TTC7B: variants seen among roughly 807,000 people sequenced by gnomAD.
TTC7B encodes the protein tetratricopeptide repeat protein 7B.
Under a neutral mutation model 106.8 loss-of-function variants are expected in TTC7B, and 28 were observed. That is an observed-to-expected ratio of 0.26 (90% CI 0.19 to 0.36). The LOEUF is 0.36. Among genes scored for constraint, TTC7B ranks in the 10% least tolerant of loss-of-function variants. The pLI is 1.00. For synonymous variants in TTC7B, 405 were observed against 430.6 expected (o/e 0.94, Z 0.74); for missense variants, 862 against 1,076.4 (o/e 0.80, Z 2.79).
At chr14:90,593,419 C>A (rs771506284) in intron 18 of TTC7B, 67 bp downstream of exon 18, 5 of 1,488,274 alleles carry the variant, frequency 3.4e-6, no homozygotes, top group Non-Finnish European at 4.5e-6. Context: ...GGCACAGCAG[C>A]GGGTTGTGGG....
chr14:90,615,271 C>G (rs2139845776), intron 16 of TTC7B, among the ~76,000 whole-genome samples: 1 of 152,322 alleles, frequency 6.6e-6, no homozygotes, highest in South Asian at 2.1e-4. Flanking sequence ...CACTCACTCC[C>G]TGCTACTGCC....
At chr14:90,649,133 T>C (rs765860670) in intron 13 of TTC7B, among the ~76,000 whole-genome samples, 2 of 152,264 alleles carry the variant, frequency 1.3e-5, no homozygotes, top group Non-Finnish European at 2.9e-5. Context: ...TTGGTATTTC[T>C]GGAGTGCATT....
In TTC7B at chr14:90,657,637, T is replaced by C. The variant is rs577322980; in HGVS notation, c.1237-359A>G. On this transcript the variant is annotated intron_variant, in intron 10 of 19. Transcript: ENST00000328459. The surrounding 1 kb of genome is among the most constrained non-coding windows in gnomAD (Gnocchi z 4.2). The stretch of plus-strand genomic sequence containing the variant: ...TACTGAATTTCTGAATTCACTTAGC[T>C]CAAATAATCTTCCATCTCAGGCTTC... Among the ~76,000 whole-genome samples the C allele has an allele frequency of 7.6e-4, 116 of 152,308 alleles. No homozygotes were observed. The highest frequency in any genetic ancestry group is 2.7e-3 in the African/African-American group (111 of 41,556).
chr14:90,717,367 C>T (rs1888699742), intron 5 of TTC7B, among the ~76,000 whole-genome samples: 1 of 151,614 alleles, frequency 6.6e-6, no homozygotes, highest in Non-Finnish European at 1.5e-5. Flanking sequence ...AAGAAATAAT[C>T]CGTGACTTTT....
intron 1 of TTC7B, 86 bp from the exon 2 acceptor site, chr14:90,786,414 C>T: frequency 2.6e-6 from 4 of 1,532,530 alleles, no homozygotes; most frequent in Non-Finnish European, 3.5e-6. Context: ...AGAACCACCA[C>T]CCTCCGAGGC....
chr14:90,603,945 A>C (rs1892534897), intron 17 of TTC7B, among the ~76,000 whole-genome samples: 1 of 152,356 alleles, frequency 6.6e-6, no homozygotes, highest in South Asian at 2.1e-4. Context: ...AGATGACTTC[A>C]GCTTATTAAG....
In TTC7B at chr14:90,617,984, T is replaced by A. The variant is rs1442603971; in HGVS notation, c.1813A>T (p.Thr605Ser). The change falls in exon 16 of 20, where the codon ACT becomes TCT. Residue 605 changes from threonine (T) to serine (S), a missense_variant. By Grantham distance (58) the Thr-to-Ser change is moderately conservative. Coordinates refer to ENST00000328459, the MANE Select transcript of TTC7B (RefSeq NM_001010854.2). ...LCRGPDEALLTCKHMLQIWKS... is the reference protein window; with the variant it reads ...LCRGPDEALLSCKHMLQIWKS... ...CATATCTGCAGCATGTGCTTACAAG[T>A]CAGCAGTGCCTCGTCCGGGCCTCGG... 6.2e-7 allele frequency: 1 copy of A among 1,613,960 alleles called. No individual in the cohort carries two copies. Among genetic ancestry groups the A allele is most frequent in the Non-Finnish European group, 8.5e-7 (1 of 1,179,880 alleles).
intron 4 of TTC7B, among the ~76,000 whole-genome samples, chr14:90,739,546 AG>A (rs1263263229): frequency 6.6e-6 from 1 of 152,248 alleles, no homozygotes; most frequent in African/African-American, 2.4e-5. Flanking sequence ...AGGCATGGCC[AG>A]GCTGCCAGTG....
rs1357354278 is a variant in TTC7B at position 90,695,569 on chromosome 14, T to C, written c.708A>G (p.Thr236=). Reference sequence around the variant, plus strand: ...GCTCTCTAAATCTTCCGACTCCTCTTGTCAAGTTCCTGTGTGGACACAGAA... The same window carrying C: ...GCTCTCTAAATCTTCCGACTCCTCTCGTCAAGTTCCTGTGTGGACACAGAA... ...HVLYFKNGNL[T]RGVGRFRELL... The change falls in exon 6 of 20, where the codon ACA becomes ACG. Residue 236 remains threonine (T), a synonymous_variant. Coordinates refer to ENST00000328459, the MANE Select transcript of TTC7B (RefSeq NM_001010854.2). The C allele has an allele frequency of 1.3e-6, 2 of 1,598,512 alleles. No individual in the cohort carries two copies. Among genetic ancestry groups the C allele is most frequent in the Non-Finnish European group, 1.7e-6 (2 of 1,173,448 alleles).
At chr14:90,682,028 C>T (rs1307841523) in intron 7 of TTC7B, among the ~76,000 whole-genome samples, 1 of 152,188 alleles carries the variant, frequency 6.6e-6, no homozygotes, top group African/African-American at 2.4e-5. Flanking sequence ...CACGCACACA[C>T]CCATATGTGC....
intron 3 of TTC7B, among the ~76,000 whole-genome samples, chr14:90,775,254 A>C (rs1379159888): frequency 6.6e-6 from 1 of 152,194 alleles, no homozygotes; most frequent in East Asian, 1.9e-4. Context: ...GGGATACATA[A>C]GAATAAAAAT....
At chr14:90,637,398 AG>A (rs1368515999) in intron 15 of TTC7B, among the ~76,000 whole-genome samples, 3 of 27,814 alleles carry the variant, frequency 1.1e-4, no homozygotes, top group African/African-American at 4.8e-4. Context: ...CTTCCCACAG[AG>A]AAAAACCCCC....
intron 15 of TTC7B, among the ~76,000 whole-genome samples, chr14:90,625,226 G>A (rs1042414038): frequency 1.3e-5 from 2 of 152,330 alleles, no homozygotes; most frequent in South Asian, 2.1e-4. Context: ...GTAGCATGTC[G>A]TGACCGGGAG....
Position 90,617,931 on chromosome 14 carries a change from G to A in TTC7B, c.1866C>T (p.Pro622=). The A allele has an allele frequency of 1.2e-6, 2 of 1,612,914 alleles. No individual in the cohort carries two copies. Among genetic ancestry groups the A allele is most frequent in the Non-Finnish European group, 1.7e-6 (2 of 1,179,056 alleles). ...IWKSCYNLTN[P]SDSGRGSSLL... ...AGCAGGCCCTGCTGGCCTCTTACCT[G>A]GGGTTGGTGAGGTTGTAGCAGGATT... Residue 622 remains proline (P), a splice_region_variant and synonymous_variant, in exon 16 of 20, where the codon CCC becomes CCT. Coordinates refer to ENST00000328459, the MANE Select transcript of TTC7B (RefSeq NM_001010854.2).
intron 15 of TTC7B, among the ~76,000 whole-genome samples, chr14:90,636,629 T>C (rs1211563456): frequency 6.6e-6 from 1 of 152,078 alleles, no homozygotes; most frequent in East Asian, 1.9e-4. Context: ...ACATGGAATA[T>C]TTACAAGAAG....
At position 90,786,244 on chromosome 14, in the gene TTC7B, C is replaced by T. The variant is rs538272204; in HGVS notation, c.206G>A (p.Arg69Gln). ...CTCAGTCAGCTGGGGCTTGGGGCCT[C>T]GGGGACTGGCCCCCTGCCTCAGGGG... The part of the protein sequence containing the change: ...EHPLRQGASP[R>Q]GPKPQLTEVR... The change falls in exon 2 of 20, where the codon CGA becomes CAA. Residue 69 changes from arginine to glutamine, a missense_variant. Coordinates refer to ENST00000328459, the MANE Select transcript of TTC7B (RefSeq NM_001010854.2). The T allele has an allele frequency of 3.9e-5, 63 of 1,610,102 alleles. 1 individual carries two copies. In the South Asian group the frequency reaches 6.7e-4, roughly 17 times the overall value.
At chr14:90,787,350 C>G (rs1891428213) in intron 1 of TTC7B, among the ~76,000 whole-genome samples, 1 of 152,198 alleles carries the variant, frequency 6.6e-6, no homozygotes, top group African/African-American at 2.4e-5. Flanking sequence ...CAGAACAACT[C>G]ATACACCAGC....
At chr14:90,581,003 C>T (rs1891465626) in intron 18 of TTC7B, among the ~76,000 whole-genome samples, 1 of 152,208 alleles carries the variant, frequency 6.6e-6, no homozygotes, top group Non-Finnish European at 1.5e-5. Context: ...ATCTCACTTT[C>T]CTGGTGATAT....
At position 90,575,416 on chromosome 14, in the gene TTC7B, C is replaced by T. The variant is rs1337058802; in HGVS notation, c.2310+2690G>A. On this transcript the variant is annotated intron_variant, in intron 19 of 19. Transcript: ENST00000328459. The surrounding 1 kb of genome is among the most constrained non-coding windows in gnomAD (Gnocchi z 5.2). Reference sequence around the variant, plus strand: ...CCTCCTCCTGGGCCTCTAGGGTATACGTGAAGACCCCCTTCCTCCCTTCCT... The same window carrying T: ...CCTCCTCCTGGGCCTCTAGGGTATATGTGAAGACCCCCTTCCTCCCTTCCT... 6.6e-6 allele frequency among the ~76,000 whole-genome samples: 1 copy of T among 152,210 alleles called. No homozygotes were observed. Among genetic ancestry groups the T allele is most frequent in the Non-Finnish European group, 1.5e-5 (1 of 68,034 alleles).
Sources: allele counts gnomAD v4.1 joint callset (sites outside exome capture counted in the v4.1 genomes callset), GRCh38; gene constraint gnomAD v4.1.1; non-coding constraint Gnocchi (gnomAD v3.1); transcripts MANE v1.5; gene names NCBI Gene and HGNC (gene_info 2026-07-23, HGNC 2026-07-21).